C9orf40: variants seen among roughly 807,000 people sequenced by gnomAD.
C9orf40 encodes the protein chromosome 9 open reading frame 40, also known as uncharacterized protein C9orf40.
A neutral mutation model predicts 7.9 loss-of-function variants in C9orf40; 2 were observed. The observed-to-expected ratio is 0.25, with a 90% CI of 0.10 to 0.80. The LOEUF (loss-of-function observed/expected upper bound fraction) is 0.80, where lower values mean the gene tolerates loss of function less well. Ranked by LOEUF, C9orf40 falls within the 30% of genes least tolerant of loss-of-function variation. The pLI is 0.68. For synonymous variants in C9orf40, 113 were observed against 117.6 expected (o/e 0.96, Z 0.25); for missense variants, 256 against 268.5 (o/e 0.95, Z 0.33).
intron 1 of C9orf40, among the ~76,000 whole-genome samples, chr9:74,949,435 T>C (rs1587635377): frequency 6.6e-6 from 1 of 152,150 alleles, no homozygotes; most frequent in East Asian, 1.9e-4. Flanking sequence ...ATAGTGACAC[T>C]AACATGAAAA....
At position 74,950,953 on chromosome 9, in the gene C9orf40, G is replaced by T. The variant is rs184106047; in HGVS notation, c.426+1233C>A. On this transcript the variant is annotated intron_variant, in intron 1 of 1. Transcript: ENST00000376854. ...TAGTAGCTGTATTTAAAAAGTAAAA[G>T]AAACTTCTGGTATTAATTTTAATAT... 1.1e-3 allele frequency among the ~76,000 whole-genome samples: 166 copies of T among 152,206 alleles called. 1 individual carries two copies. Among genetic ancestry groups the T allele is most frequent in the Non-Finnish European group, 7.4e-5 (5 of 67,982 alleles).
chr9:74,952,363 G>A lies in C9orf40; in HGVS notation c.249C>T (p.Ser83=). Residue 83 remains serine (S), a synonymous_variant, in exon 1 of 2, where the codon AGC becomes AGT. Transcript: ENST00000376854. This position sits in a 1 kb window ranked among gnomAD's most constrained non-coding sequence, Gnocchi z 5.4. ...RRDSGDNSAP[S]GQEREDHGLE... is the part of the protein sequence containing the mutation. ...GACCGTGGTCCTCACGCTCCTGGCC[G>A]CTCGGGGCGCTGTTGTCCCCGCTGT... 1.3e-6 allele frequency: 2 copies of A among 1,553,104 alleles called. No homozygotes were observed. The highest frequency in any genetic ancestry group is 1.4e-5 in the African/African-American group (1 of 71,260).
chr9:74,948,124 T>C lies in C9orf40; in HGVS notation c.509A>G (p.Asp170Gly). ...LPPIDLADIE[D>G]LSEDTLTEAT... ...TTCTGTCAGGGTGTCTTCACTTAAA[T>C]CTTCAATGTCTGCCAGATCAATAGG... Residue 170 changes from aspartate to glycine, a missense_variant, in exon 2 of 2, where the codon GAT becomes GGT. By Grantham distance (94) the Asp-to-Gly change is moderately conservative. Transcript: ENST00000376854. The C allele has an allele frequency of 2.5e-6, 4 of 1,614,040 alleles. No individual in the cohort carries two copies. In the South Asian group the frequency reaches 4.4e-5, roughly 18 times the overall value.
At chr9:74,948,275 A>G in intron 1 of C9orf40, 69 bp from the exon 2 acceptor site, 1 of 1,172,672 alleles carries the variant, frequency 8.5e-7, no homozygotes, top group Non-Finnish European at 1.2e-6. Context: ...TTCAGAAAAC[A>G]AATTTGTTTT....
At position 74,952,697 on chromosome 9, in the gene C9orf40, G is replaced by C. The variant is rs954064907; in HGVS notation, c.-86C>G. On this transcript the variant is annotated 5_prime_UTR_variant, in exon 1 of 2. Coordinates refer to ENST00000376854, the MANE Select transcript of C9orf40 (RefSeq NM_017998.3). The surrounding 1 kb of genome is among the most constrained non-coding windows in gnomAD (Gnocchi z 5.4). ...GGGGCGAAGAGCGAGGACTGAGCGC[G>C]TGAGAGAGGGACAGGCCGAAGTCGG... 1.9e-5 allele frequency: 24 copies of C among 1,281,144 alleles called. No homozygotes were observed. The East Asian group carries it at 6.4e-4, about 34-fold the overall frequency. The allele number at this position is 1,281,144 out of a possible 1,614,324, so 79.4% of individuals were successfully genotyped here. A position where few individuals can be genotyped will look rare whatever the true frequency, so the allele number is the denominator to read the frequency against.
chr9:74,952,395 G>A lies in C9orf40; in HGVS notation c.217C>T (p.Arg73Cys). 1 of 1,579,296 alleles carries A rather than the reference G, an allele frequency of 6.3e-7. No individual in the cohort carries two copies. Among genetic ancestry groups the A allele is most frequent in the Non-Finnish European group, 8.5e-7 (1 of 1,170,372 alleles). ...GCGCTGTTGTCCCCGCTGTCACGGCGCTTGCTGGGCGAAGCCGAGGGCTCT... is the reference window on the plus strand; with the variant it reads ...GCGCTGTTGTCCCCGCTGTCACGGCACTTGCTGGGCGAAGCCGAGGGCTCT... ...MAEPSASPSK[R>C]RDSGDNSAPS... The change falls in exon 1 of 2, where the codon CGC becomes TGC. Residue 73 changes from arginine to cysteine, a missense_variant. Transcript: ENST00000376854. The surrounding 1 kb of genome is among the most constrained non-coding windows in gnomAD (Gnocchi z 5.4).
rs760438547 is a variant in C9orf40, at chr9:74,952,534, C to T, written c.78G>A (p.Glu26=). 3.1e-6 allele frequency: 5 copies of T among 1,588,536 alleles called. No individual in the cohort carries two copies. Among genetic ancestry groups the T allele is most frequent in the Non-Finnish European group, 3.4e-6 (4 of 1,176,108 alleles). ...TCCAGAGAGGCGGTGGCGGCGGCTG[C>T]TCAGCGAAGTCGCAAAGCAGGAGCC... ...WKRLLLCDFA[E]QPPPPPLWIR... The change falls in exon 1 of 2, where the codon GAG becomes GAA. Residue 26 remains glutamate (E), a synonymous_variant. Transcript: ENST00000376854. The surrounding 1 kb of genome is among the most constrained non-coding windows in gnomAD (Gnocchi z 5.4).
At chr9:74,951,235 C>G (rs1351646439) in intron 1 of C9orf40, among the ~76,000 whole-genome samples, 1 of 152,036 alleles carries the variant, frequency 6.6e-6, no homozygotes, top group Non-Finnish European at 1.5e-5. Flanking sequence ...GAATAAAAAC[C>G]CGCCAATGAT....
intron 1 of C9orf40, among the ~76,000 whole-genome samples, chr9:74,951,045 T>C (rs1027925968): frequency 7.2e-5 from 11 of 152,228 alleles, no homozygotes; most frequent in Non-Finnish European, 5.9e-5. Context: ...TTTATCTTCA[T>C]TTATTAAATC....
intron 1 of C9orf40, among the ~76,000 whole-genome samples, chr9:74,948,844 C>T (rs1271971469): frequency 1.3e-5 from 2 of 152,138 alleles, no homozygotes; most frequent in Non-Finnish European, 2.9e-5. Context: ...TATGCTGAGC[C>T]TTAAAGAATT....
Position 74,947,948 on chromosome 9 carries a change from T to C in C9orf40, c.*100A>G. 2 of 1,201,282 alleles carry C rather than the reference T, an allele frequency of 1.7e-6. No individual in the cohort carries two copies. Among genetic ancestry groups the C allele is most frequent in the Non-Finnish European group, 2.4e-6 (2 of 849,716 alleles). 74.4% of individuals were successfully genotyped at this position (1,201,282 alleles called of 1,614,324 possible). ...TCTTCATTTCTCAGGTTTGGAAATA[T>C]AACTTCAAGTATGGAAAATAACTTT... On this transcript the variant is annotated 3_prime_UTR_variant, in exon 2 of 2. Coordinates refer to ENST00000376854, the MANE Select transcript of C9orf40 (RefSeq NM_017998.3).
In C9orf40 at chr9:74,952,167, A is replaced by AACCCCC; in HGVS notation, c.426+18_426+19insGGGGGT. On this transcript the variant is annotated intron_variant, in intron 1 of 1. Coordinates refer to ENST00000376854, the MANE Select transcript of C9orf40 (RefSeq NM_017998.3). The surrounding 1 kb of genome is among the most constrained non-coding windows in gnomAD (Gnocchi z 5.4). ...GGCAAGCCCCTTCGCCCCTCAGCCC[A>AACCCCC]CCCGCCCCCAGCCCCTACCTGGCGC... 1 of 150,662 alleles carries AACCCCC rather than the reference A, an allele frequency of 6.6e-6. No individual in the cohort carries two copies. The highest frequency in any genetic ancestry group is 1.1e-5 in the Non-Finnish European group (1 of 87,692). The allele number at this position is 150,662 out of a possible 1,614,324, so 9.3% of individuals were successfully genotyped here. A position where few individuals can be genotyped will look rare whatever the true frequency, so the allele number is the denominator to read the frequency against.
chr9:74,950,854 G>C (rs73542667), intron 1 of C9orf40, among the ~76,000 whole-genome samples: 1 of 152,114 alleles, frequency 6.6e-6, no homozygotes, highest in Non-Finnish European at 1.5e-5. Context: ...TGAAAAAGTA[G>C]TATGAATTCC....
rs1832252358 is a variant in C9orf40 at position 74,947,409 on chromosome 9, C to G, written c.*639G>C. On this transcript the variant is annotated 3_prime_UTR_variant, in exon 2 of 2. Coordinates refer to ENST00000376854, the MANE Select transcript of C9orf40 (RefSeq NM_017998.3). Reference sequence around the variant, plus strand: ...AAACAGGGGGAAGCAGGCACCGATTCAGTTTTCATTTTTCTTTATCCATCT... The same window carrying G: ...AAACAGGGGGAAGCAGGCACCGATTGAGTTTTCATTTTTCTTTATCCATCT... 6.6e-6 allele frequency: 1 copy of G among 152,642 alleles called. No individual in the cohort carries two copies. The highest frequency in any genetic ancestry group is 3.2e-3 in the Middle Eastern group (1 of 316). 9.5% of individuals were successfully genotyped at this position (152,642 alleles called of 1,614,324 possible).
chr9:74,952,642 G>A lies in C9orf40; in HGVS notation c.-31C>T, dbSNP rs1564081276. The A allele has an allele frequency of 1.3e-6, 2 of 1,518,142 alleles. No individual in the cohort carries two copies. Among genetic ancestry groups the A allele is most frequent in the African/African-American group, 1.4e-5 (1 of 71,070 alleles). 94.0% of individuals were successfully genotyped at this position (1,518,142 alleles called of 1,614,324 possible). A position where few individuals can be genotyped will look rare whatever the true frequency, so the allele number is the denominator to read the frequency against. ...CAGAGGCTCGGGCGGAGCCCGCCAG[G>A]CGCGGGAGACCGAGTGCCGATAGCT... is the stretch of plus-strand genomic sequence containing the variant. On this transcript the variant is annotated 5_prime_UTR_variant, in exon 1 of 2. Transcript: ENST00000376854. The surrounding 1 kb of genome is among the most constrained non-coding windows in gnomAD (Gnocchi z 5.4).
chr9:74,952,816 C>T lies in C9orf40; in HGVS notation c.-205G>A. 2.0e-6 allele frequency: 1 copy of T among 502,504 alleles called. No individual in the cohort carries two copies. The highest frequency in any genetic ancestry group is 3.0e-5 in the South Asian group (1 of 33,210). The allele number at this position is 502,504 out of a possible 1,614,324, so 31.1% of individuals were successfully genotyped here. On this transcript the variant is annotated 5_prime_UTR_variant, in exon 1 of 2. Coordinates refer to ENST00000376854, the MANE Select transcript of C9orf40 (RefSeq NM_017998.3). This position sits in a 1 kb window ranked among gnomAD's most constrained non-coding sequence, Gnocchi z 5.4. ...CCGGCTCGGAGGCAGCTCCCGCGCT[C>T]AGCCCTCGCCGCCGCCGAGATGCGG... is the stretch of plus-strand genomic sequence containing the variant.
rs1030676264 is a variant in C9orf40 at position 74,951,300 on chromosome 9, C to CT, written c.426+885dup. ...TTTTCTTTTTTCTTTCTTTTCTTTT[C>CT]TTTTTTTTTGAGACAGCGTCTCACT... On this transcript the variant is annotated intron_variant, in intron 1 of 1. Coordinates refer to ENST00000376854, the MANE Select transcript of C9orf40 (RefSeq NM_017998.3). Among the ~76,000 whole-genome samples, 1,022 of 148,180 alleles carry CT rather than the reference C, an allele frequency of 6.9e-3. 9 individuals are homozygous for CT. The highest frequency in any genetic ancestry group is 0.022 in the African/African-American group (922 of 41,000).
chr9:74,948,125 C>A lies in C9orf40; in HGVS notation c.508G>T (p.Asp170Tyr). The A allele has an allele frequency of 6.2e-7, 1 of 1,613,970 alleles. No individual in the cohort carries two copies. The highest frequency in any genetic ancestry group is 2.2e-5 in the East Asian group (1 of 44,868). The stretch of plus-strand genomic sequence containing the variant: ...TCTGTCAGGGTGTCTTCACTTAAAT[C>A]TTCAATGTCTGCCAGATCAATAGGA... ...LPPIDLADIEDLSEDTLTEAT... is the reference protein window; with the variant it reads ...LPPIDLADIEYLSEDTLTEAT... The change falls in exon 2 of 2, where the codon GAT becomes TAT. Residue 170 changes from aspartate (D) to tyrosine (Y), a missense_variant. Asp to Tyr is a radical substitution (Grantham distance 160). Coordinates refer to ENST00000376854, the MANE Select transcript of C9orf40 (RefSeq NM_017998.3).
intron 1 of C9orf40, among the ~76,000 whole-genome samples, chr9:74,950,219 T>C (rs1832281855): frequency 6.6e-6 from 1 of 152,214 alleles, no homozygotes; most frequent in Admixed American, 6.5e-5. Context: ...CTATAGGAAG[T>C]AGAGAGCTGC....
Sources: allele counts gnomAD v4.1 joint callset (sites outside exome capture counted in the v4.1 genomes callset), GRCh38; gene constraint gnomAD v4.1.1; non-coding constraint Gnocchi (gnomAD v3.1); transcripts MANE v1.5; gene names NCBI Gene and HGNC (gene_info 2026-07-23, HGNC 2026-07-21).